OXR1: variants seen among roughly 807,000 people sequenced by gnomAD.
OXR1 encodes oxidation resistance 1.
A neutral mutation model predicts 104.6 loss-of-function variants in OXR1; 41 were observed. The observed-to-expected ratio is 0.39, with a 90% CI of 0.31 to 0.51. OXR1 has a LOEUF of 0.51. Ranked by LOEUF, OXR1 falls within the 20% of genes least tolerant of loss-of-function variation. OXR1 has a pLI of 0.77. For missense variants in OXR1, 955 were observed against 1,031.9 expected (o/e 0.93, Z 1.02); for synonymous variants, 348 against 348.4 (o/e 1.00, Z 0.01).
In OXR1 at chr8:106,716,630, CAAAAAAAAAAAAAAAA is replaced by C. The variant is rs760744812; in HGVS notation, c.1956+2661_1956+2676del. ...TGGGCGACAGAGCGAGACTCCGTCTCAAAAAAAAAAAAAAAAAAAAAAAAAAAAAAATACACACTGG... is the reference window on the plus strand; with the variant it reads ...TGGGCGACAGAGCGAGACTCCGTCTCAAAAAAAAAAAAAAATACACACTGG... On this transcript the variant is annotated intron_variant, in intron 11 of 16. Transcript: ENST00000517566. 2.0e-4 allele frequency among the ~76,000 whole-genome samples: 14 copies of C among 71,368 alleles called. 3 individuals carry two copies. The highest frequency in any genetic ancestry group is 7.7e-4 in the Admixed American group (4 of 5,168). The allele number at this position is 71,368 out of a possible 152,430, so 46.8% of individuals were successfully genotyped here. A position where few individuals can be genotyped will look rare whatever the true frequency, so the allele number is the denominator to read the frequency against.
chr8:106,557,636 A>T (rs928872505), intron 3 of OXR1, among the ~76,000 whole-genome samples: 19 of 152,122 alleles, frequency 1.2e-4, no homozygotes, highest in Admixed American at 3.9e-4. Context: ...TTCATCACAT[A>T]GGATACTCTG....
chr8:106,749,569 A>C (rs1391301049), intron 16 of OXR1, among the ~76,000 whole-genome samples: 2 of 152,154 alleles, frequency 1.3e-5, no homozygotes, highest in African/African-American at 4.8e-5. Context: ...TAAGTTTGAC[A>C]TAAGTTGTGG....
rs574877113 is a variant in OXR1, at chr8:106,398,744, C to T, written c.23+39108C>T. On this transcript the variant is annotated intron_variant, in intron 2 of 16. Coordinates refer to ENST00000517566, the MANE Select transcript of OXR1 (RefSeq NM_001198533.2). ...GGGGGTTTGAGTAGCAGCAATTGCT[C>T]AGGTGCCACCCACCCCACCTCTGGT... 1.4e-4 allele frequency among the ~76,000 whole-genome samples: 21 copies of T among 152,254 alleles called. No homozygotes were observed. In the South Asian group the frequency reaches 4.3e-3, roughly 32 times the overall value.
chr8:106,621,312 G>A (rs1031525198), intron 3 of OXR1, among the ~76,000 whole-genome samples: 3 of 152,044 alleles, frequency 2.0e-5, no homozygotes, highest in Non-Finnish European at 2.9e-5. Context: ...CTAACTGGGC[G>A]TGGTTGTGCA....
chr8:106,556,158 G>A (rs1816267607), intron 3 of OXR1, among the ~76,000 whole-genome samples: 2 of 151,902 alleles, frequency 1.3e-5, no homozygotes, highest in South Asian at 4.2e-4. Context: ...CCAAAATGAG[G>A]AGCAACTGCT....
At chr8:106,604,145 C>T (rs569308136) in intron 3 of OXR1, among the ~76,000 whole-genome samples, 5 of 152,188 alleles carry the variant, frequency 3.3e-5, no homozygotes, top group South Asian at 4.2e-4. Flanking sequence ...AGGTGTATAC[C>T]GTCTATTAAC....
chr8:106,620,466 T>C (rs1821610767), intron 3 of OXR1, among the ~76,000 whole-genome samples: 1 of 152,198 alleles, frequency 6.6e-6, no homozygotes, highest in Non-Finnish European at 1.5e-5. Flanking sequence ...AGTCTTCTTT[T>C]TTCCTTACGT....
intron 4 of OXR1, among the ~76,000 whole-genome samples, chr8:106,679,772 T>TC (rs1827968854): frequency 6.6e-6 from 1 of 151,882 alleles, no homozygotes; most frequent in Non-Finnish European, 1.5e-5. Context: ...TTTTTTTTTT[T>TC]CTGTATTCTT....
At chr8:106,698,812 T>G (rs1830320351) in intron 7 of OXR1, among the ~76,000 whole-genome samples, 1 of 152,152 alleles carries the variant, frequency 6.6e-6, no homozygotes, top group African/African-American at 2.4e-5. Flanking sequence ...ACGTCTTTTT[T>G]TTTGTACTCT....
At chr8:106,276,312 T>C (rs1030523463) in intron 1 of OXR1, among the ~76,000 whole-genome samples, 2 of 152,162 alleles carry the variant, frequency 1.3e-5, no homozygotes, top group East Asian at 3.9e-4. Flanking sequence ...GTTTTTGCAA[T>C]TTTGATTTGA....
intron 2 of OXR1, among the ~76,000 whole-genome samples, chr8:106,486,802 T>C (rs897525307): frequency 2.0e-5 from 3 of 152,086 alleles, no homozygotes; most frequent in Non-Finnish European, 2.9e-5. Flanking sequence ...TCCAGTATAG[T>C]ACAGCAGTTA....
intron 1 of OXR1, among the ~76,000 whole-genome samples, chr8:106,330,748 C>T (rs1246321417): frequency 2.0e-5 from 3 of 152,200 alleles, no homozygotes; most frequent in Non-Finnish European, 2.9e-5. Flanking sequence ...GTATTGGGCT[C>T]TGCCATCAAA....
intron 16 of OXR1, 113 bp downstream of exon 16, chr8:106,745,975 G>T: frequency 1.6e-6 from 1 of 612,800 alleles, no homozygotes; most frequent in Non-Finnish European, 2.9e-6. Context: ...ATTCAAATTT[G>T]TATATTATGA....
At chr8:106,485,024 A>G (rs1264567859) in intron 2 of OXR1, among the ~76,000 whole-genome samples, 1 of 146,908 alleles carries the variant, frequency 6.8e-6, no homozygotes, top group Non-Finnish European at 1.5e-5. Flanking sequence ...AGCCATGAAA[A>G]GATAGGGAGG....
intron 11 of OXR1, among the ~76,000 whole-genome samples, chr8:106,726,807 C>T (rs950412927): frequency 6.6e-6 from 1 of 152,084 alleles, no homozygotes; most frequent in Non-Finnish European, 1.5e-5. Flanking sequence ...AATCTTCAAA[C>T]GATATCCTAG....
At chr8:106,734,101 C>G (rs1181586977) in intron 11 of OXR1, among the ~76,000 whole-genome samples, 1 of 151,388 alleles carries the variant, frequency 6.6e-6, no homozygotes, top group African/African-American at 2.4e-5. Context: ...GGTGATCCTT[C>G]CACGCCACCA....
At chr8:106,493,312 G>T (rs73699514) in intron 2 of OXR1, among the ~76,000 whole-genome samples, 146 of 152,232 alleles carry the variant, frequency 9.6e-4, no homozygotes, top group African/African-American at 3.4e-3. Context: ...TTCCCTGCAG[G>T]TGTCTTCTCA....
chr8:106,744,539 T>C (rs551542634), intron 15 of OXR1, among the ~76,000 whole-genome samples: 65 of 152,332 alleles, frequency 4.3e-4, no homozygotes, highest in African/African-American at 1.5e-3. Flanking sequence ...CTAAGCTTAA[T>C]GATGTAAGTC....
intron 3 of OXR1, among the ~76,000 whole-genome samples, chr8:106,521,912 T>C (rs1813291648): frequency 1.3e-5 from 2 of 152,216 alleles, no homozygotes; most frequent in Non-Finnish European, 2.9e-5. Flanking sequence ...CGAACCCGTC[T>C]ACAAGCCAAT....
Sources: gnomAD v4.1 joint callset for allele counts (sites outside exome capture counted in the v4.1 genomes callset) on GRCh38, gnomAD v4.1.1 for gene constraint, MANE v1.5 for transcripts, NCBI Gene and HGNC (gene_info 2026-07-23, HGNC 2026-07-21) for gene names.